Variants in NUDT9 observed in about 807,000 individuals in gnomAD.
NUDT9 encodes ADP-ribose pyrophosphatase.
A neutral mutation model predicts 41.0 loss-of-function variants in NUDT9; 31 were observed. The observed-to-expected ratio is 0.76, with a 90% CI of 0.57 to 1.02. The LOEUF is 1.02. Ranked by LOEUF, NUDT9 falls within the 50% of genes least tolerant of loss-of-function variation. The probability of loss-of-function intolerance (pLI) is 0.00; values close to 1 mark genes in which losing one functional copy is unlikely to be tolerated. For missense variants in NUDT9, 380 were observed against 431.4 expected, an observed-to-expected ratio of 0.88 and a Z score of 1.06; for synonymous variants, 146 against 147.6, an observed-to-expected ratio of 0.99 and a Z score of 0.08.
intron 3 of NUDT9, 27 bp downstream of exon 3, chr4:87,438,399 C>G (rs753451097): frequency 1.6e-6 from 2 of 1,250,884 alleles, no homozygotes; most frequent in Non-Finnish European, 2.3e-6. Context: ...GAGCATCTTA[C>G]AATAATGAGT....
chr4:87,433,999 T>C (rs975769401), intron 1 of NUDT9, among the ~76,000 whole-genome samples: 1 of 152,202 alleles, frequency 6.6e-6, no homozygotes, highest in African/African-American at 2.4e-5. Context: ...TGTTAGACTA[T>C]AGATGATTTT....
At chr4:87,449,031 T>TG (rs1334484911) in intron 4 of NUDT9, 111 bp from the exon 5 acceptor site, 3 of 606,106 alleles carry the variant, frequency 4.9e-6, no homozygotes, top group Non-Finnish European at 8.8e-6. Flanking sequence ...TTGAGATAAA[T>TG]TTATATATAC....
At chr4:87,454,561 A>G in intron 7 of NUDT9, 106 bp downstream of exon 7, 1 of 745,182 alleles carries the variant, frequency 1.3e-6, no homozygotes, top group Non-Finnish European at 2.4e-6. Flanking sequence ...AAACCAATTA[A>G]CTGTTGATTG....
chr4:87,428,840 A>G (rs563834284), intron 1 of NUDT9, among the ~76,000 whole-genome samples: 1 of 152,304 alleles, frequency 6.6e-6, no homozygotes, highest in South Asian at 2.1e-4. Flanking sequence ...CGCATTGTCA[A>G]CATCCCCACA....
At chr4:87,430,886 T>C (rs926046469) in intron 1 of NUDT9, among the ~76,000 whole-genome samples, 1 of 152,150 alleles carries the variant, frequency 6.6e-6, no homozygotes, top group Non-Finnish European at 1.5e-5. Flanking sequence ...CATGGGTTGC[T>C]TTTTCTCTCT....
rs1560784089 is a variant in NUDT9 at position 87,423,032 on chromosome 4, C to T, written c.107+20C>T. 6.3e-7 allele frequency: 1 copy of T among 1,593,444 alleles called. No individual in the cohort carries two copies. On this transcript the variant is annotated intron_variant, in intron 1 of 7. Transcript: ENST00000302174. Reference sequence around the variant, plus strand: ...GTTCAGGTATTCCACCCTCCTACTACCGGCTCCTTTGCCCTAGACCTTGAG... The same window carrying T: ...GTTCAGGTATTCCACCCTCCTACTATCGGCTCCTTTGCCCTAGACCTTGAG...
chr4:87,453,731 G>A (rs1029898214), intron 6 of NUDT9, among the ~76,000 whole-genome samples: 5 of 151,568 alleles, frequency 3.3e-5, no homozygotes, highest in Admixed American at 1.3e-4. Context: ...CCTGGCCTGA[G>A]GGTTTCATGA....
chr4:87,451,076 A>G (rs1722687858), intron 5 of NUDT9, among the ~76,000 whole-genome samples: 3 of 152,234 alleles, frequency 2.0e-5, no homozygotes, highest in Non-Finnish European at 1.5e-5. Flanking sequence ...TAGACAGGGC[A>G]GTTAAGAGAA....
At chr4:87,440,583 C>T (rs1479398778) in intron 3 of NUDT9, among the ~76,000 whole-genome samples, 1 of 152,140 alleles carries the variant, frequency 6.6e-6, no homozygotes, top group Non-Finnish European at 1.5e-5. Context: ...CATGGTGGCT[C>T]ACGCCTGTAA....
intron 2 of NUDT9, among the ~76,000 whole-genome samples, chr4:87,436,135 G>T (rs1721924281): frequency 6.6e-6 from 1 of 151,564 alleles, no homozygotes; most frequent in Admixed American, 6.6e-5. Flanking sequence ...CTAGGACTAT[G>T]GGCATGTTCC....
At chr4:87,448,108 T>TC (rs1722541460) in intron 4 of NUDT9, among the ~76,000 whole-genome samples, 1 of 151,368 alleles carries the variant, frequency 6.6e-6, no homozygotes, top group Admixed American at 6.6e-5. Flanking sequence ...TCTGCTTTTC[T>TC]CTTAGCACAG....
chr4:87,444,363 C>T (rs1722354531), intron 4 of NUDT9, among the ~76,000 whole-genome samples: 1 of 151,726 alleles, frequency 6.6e-6, no homozygotes, highest in Non-Finnish European at 1.5e-5. Context: ...TCTTACTTGC[C>T]CTCTTGATTC....
rs1280616926 is a variant in NUDT9, at chr4:87,429,638, T to C, written c.108-5343T>C. ...TTGTTTTTCTTTCTTGTTCTTTTTT[T>C]CTTATCCTTTCTTGCAACTCCCTTT... On this transcript the variant is annotated intron_variant, in intron 1 of 7. Coordinates refer to ENST00000302174, the MANE Select transcript of NUDT9 (RefSeq NM_024047.5). Among the ~76,000 whole-genome samples, 6 of 152,012 alleles carry C rather than the reference T, an allele frequency of 3.9e-5. No homozygotes were observed. In the East Asian group the frequency reaches 1.2e-3, roughly 29 times the overall value.
intron 1 of NUDT9, among the ~76,000 whole-genome samples, chr4:87,428,629 T>C (rs1170940590): frequency 6.6e-6 from 1 of 152,204 alleles, no homozygotes; most frequent in African/African-American, 2.4e-5. Flanking sequence ...AAGGAAAGGC[T>C]GTATGATTCC....
chr4:87,426,222 TA>T (rs1721408656), intron 1 of NUDT9, among the ~76,000 whole-genome samples: 1 of 152,086 alleles, frequency 6.6e-6, no homozygotes, highest in African/African-American at 2.4e-5. Flanking sequence ...GTGATGTGTG[TA>T]GAATATTGTT....
chr4:87,433,421 A>C (rs1721774015), intron 1 of NUDT9, among the ~76,000 whole-genome samples: 1 of 152,110 alleles, frequency 6.6e-6, no homozygotes, highest in Non-Finnish European at 1.5e-5. Flanking sequence ...GTGTTTCCTA[A>C]TGTTCAGATT....
intron 1 of NUDT9, among the ~76,000 whole-genome samples, chr4:87,432,160 C>T (rs1008352923): frequency 1.1e-4 from 16 of 152,256 alleles, no homozygotes; most frequent in African/African-American, 3.9e-4. Flanking sequence ...TGCTTGAGAC[C>T]AGAGCGGTTT....
intron 3 of NUDT9, among the ~76,000 whole-genome samples, chr4:87,439,931 A>G: frequency 6.6e-6 from 1 of 152,164 alleles, no homozygotes; most frequent in Admixed American, 6.5e-5. Flanking sequence ...TAAAAATGTT[A>G]CACTTTGTAT....
intron 6 of NUDT9, among the ~76,000 whole-genome samples, chr4:87,452,570 T>C (rs1722795675): frequency 6.6e-6 from 1 of 151,616 alleles, no homozygotes; most frequent in South Asian, 2.1e-4. Flanking sequence ...CCCACGTCAG[T>C]CTTCTGGGTA....
Sources: allele counts gnomAD v4.1 joint callset (sites outside exome capture counted in the v4.1 genomes callset), GRCh38; gene constraint gnomAD v4.1.1; transcripts MANE v1.5; gene names NCBI Gene and HGNC (gene_info 2026-07-23, HGNC 2026-07-21).